The following BAZ2B variants were observed in gnomAD, a reference collection of about 807,000 sequenced individuals.
The protein encoded by BAZ2B is bromodomain adjacent to zinc finger domain protein 2B.
In BAZ2B, 91 loss-of-function variants were observed where a neutral mutation model predicts 246.0. The observed-to-expected ratio is 0.37, with a 90% CI of 0.31 to 0.44. The LOEUF is 0.44. Ranked by LOEUF, BAZ2B falls within the 20% of genes least tolerant of loss-of-function variation. The pLI, the probability that BAZ2B is intolerant of heterozygous loss-of-function variation, is 1.00. For synonymous variants in BAZ2B, 855 were observed against 860.0 expected (o/e 0.99, Z 0.10); for missense variants, 2,332 against 2,533.7 (o/e 0.92, Z 1.71).
the BAZ2B span, among the ~76,000 whole-genome samples, chr2:159,624,454 C>T: frequency 2.6e-5 from 4 of 152,166 alleles, no homozygotes; most frequent in African/African-American, 9.7e-5. Flanking sequence ...TCTGGCTGGC[C>T]TCTGGCAGGT....
chr2:159,685,305 C>A, the BAZ2B span, among the ~76,000 whole-genome samples: 1 of 152,092 alleles, frequency 6.6e-6, no homozygotes, highest in Non-Finnish European at 1.5e-5. Flanking sequence ...AAAGAAGTAT[C>A]TATAAATAAG....
chr2:159,357,332 C>T (rs974102453), intron 27 of BAZ2B, among the ~76,000 whole-genome samples: 2 of 151,576 alleles, frequency 1.3e-5, no homozygotes, highest in African/African-American at 4.9e-5. Context: ...AAAGCACACA[C>T]AAGTATCAAC....
intron 6 of BAZ2B, among the ~76,000 whole-genome samples, chr2:159,440,491 A>G (rs1448559616): frequency 6.8e-6 from 1 of 146,854 alleles, no homozygotes; most frequent in Non-Finnish European, 1.5e-5. Context: ...CACTCCCGCC[A>G]TTATATTCCG....
chr2:159,705,849 ATAC>A, the BAZ2B span, among the ~76,000 whole-genome samples: 1 of 152,046 alleles, frequency 6.6e-6, no homozygotes, highest in Admixed American at 6.6e-5. Context: ...ATGGCAAAAA[ATAC>A]TACATGTAAA....
intron 3 of BAZ2B, among the ~76,000 whole-genome samples, chr2:159,466,355 A>G (rs2077046228): frequency 6.6e-6 from 1 of 152,222 alleles, no homozygotes. Flanking sequence ...TTAGTCCTGT[A>G]AATTCATCTC....
At chr2:159,672,646 A>G in the BAZ2B span, among the ~76,000 whole-genome samples, 5 of 151,860 alleles carry the variant, frequency 3.3e-5, no homozygotes, top group East Asian at 7.7e-4. Flanking sequence ...TGGCTTCCTG[A>G]CTCCTCCCCC....
At chr2:159,634,914 C>G in the BAZ2B span, among the ~76,000 whole-genome samples, 2 of 152,242 alleles carry the variant, frequency 1.3e-5, no homozygotes, top group South Asian at 4.1e-4. Flanking sequence ...AAGAGACAAT[C>G]CAAAGAGAGG....
In BAZ2B at chr2:159,424,599, A is replaced by T. The variant is rs191881543; in HGVS notation, c.2466+3342T>A. ...GGGTTTTGGGATATGTTTTAAGATT[A>T]AAAAATGATGAAAAAAATATACTTC... is the stretch of plus-strand genomic sequence containing the variant. On this transcript the variant is annotated intron_variant, in intron 13 of 36. Transcript: ENST00000392783. 2.0e-5 allele frequency among the ~76,000 whole-genome samples: 3 copies of T among 152,306 alleles called. No homozygotes were observed. In the East Asian group the frequency reaches 5.8e-4, roughly 29 times the overall value.
chr2:159,545,770 C>T (rs2087246028), intron 2 of BAZ2B, among the ~76,000 whole-genome samples: 1 of 152,112 alleles, frequency 6.6e-6, no homozygotes, highest in South Asian at 2.1e-4. Flanking sequence ...ACATAATCAT[C>T]ACGTAAGGAT....
chr2:159,329,038 G>T lies in BAZ2B; in HGVS notation c.5944-3120C>A, dbSNP rs532181751. On this transcript the variant is annotated intron_variant, in intron 34 of 36. Transcript: ENST00000392783. The stretch of plus-strand genomic sequence containing the variant: ...AGCTATTCAGGAGGCTGAGGCAGGA[G>T]AATCGCTTGAACACGGGAGGTGGAG... Among the ~76,000 whole-genome samples the T allele has an allele frequency of 1.3e-3, 204 of 151,606 alleles. 1 individual carries two copies. The highest frequency in any genetic ancestry group is 3.4e-3 in the Middle Eastern group (1 of 294).
At chr2:159,663,212 T>A in the BAZ2B span, among the ~76,000 whole-genome samples, 1 of 149,690 alleles carries the variant, frequency 6.7e-6, no homozygotes, top group African/African-American at 2.4e-5. Flanking sequence ...TTTTTTTTCT[T>A]TTTTTTTTTG....
upstream of BAZ2B, among the ~76,000 whole-genome samples, chr2:159,620,578 C>T (rs979062579): frequency 1.3e-5 from 2 of 152,152 alleles, no homozygotes; most frequent in African/African-American, 4.8e-5. Context: ...GTTATTTGAA[C>T]TGCATCTCAA....
At chr2:159,489,981 CA>C (rs2080262461) in intron 2 of BAZ2B, among the ~76,000 whole-genome samples, 1 of 152,140 alleles carries the variant, frequency 6.6e-6, no homozygotes, top group African/African-American at 2.4e-5. Context: ...CAGCTTCCAT[CA>C]ATTTATTCCT....
chr2:159,580,036 C>T lies in BAZ2B; in HGVS notation c.-45-24171G>A, dbSNP rs1165670012. On this transcript the variant is annotated intron_variant, in intron 1 of 36. Transcript: ENST00000392783. ...GGCAGGGATGCCCTCTCTCACCACT[C>T]CTATTCAACATAGTGTTGGAAGTTC... Among the ~76,000 whole-genome samples the T allele has an allele frequency of 4.6e-5, 7 of 152,172 alleles. No individual in the cohort carries two copies. The East Asian group carries it at 1.3e-3, about 29-fold the overall frequency.
the BAZ2B span, among the ~76,000 whole-genome samples, chr2:159,680,803 T>C: frequency 6.6e-6 from 1 of 152,182 alleles, no homozygotes; most frequent in Non-Finnish European, 1.5e-5. Context: ...GGCTACAAAA[T>C]GTGCTACCAA....
intron 2 of BAZ2B, among the ~76,000 whole-genome samples, chr2:159,518,427 C>T (rs887414150): frequency 1.3e-5 from 2 of 152,156 alleles, no homozygotes; most frequent in African/African-American, 4.8e-5. Context: ...CCTGGTAGTG[C>T]TATACAGACA....
At position 159,431,053 on chromosome 2, in the gene BAZ2B, A is replaced by C. The variant is rs1252067165; in HGVS notation, c.2004T>G (p.Thr668=). ...ESDSDTEGEK[T]SMKLNKTTSS... is the part of the protein sequence containing the mutation. ...AAGTTGTTTTATTCAGTTTCATTGA[A>C]GTTTTCTCTCCTTCAGTATCACTAT... The change falls in exon 10 of 37, where the codon ACT becomes ACG. Residue 668 remains threonine, a synonymous_variant. Transcript: ENST00000392783. The C allele has an allele frequency of 6.2e-7, 1 of 1,614,024 alleles. No individual in the cohort carries two copies. The highest frequency in any genetic ancestry group is 1.1e-5 in the South Asian group (1 of 91,084).
At chr2:159,599,961 AAAAG>A (rs902536533) in intron 1 of BAZ2B, among the ~76,000 whole-genome samples, 11 of 151,734 alleles carry the variant, frequency 7.2e-5, no homozygotes, top group African/African-American at 1.4e-4. Context: ...AAAGAAAAGA[AAAAG>A]AAAGAAAGAA....
In BAZ2B at chr2:159,404,923, A is replaced by C. The variant is rs1019021468; in HGVS notation, c.2771-13T>G. ...GCAGCCATTATTGCTACAAGAAACC[A>C]AAGGATAGATATCATCAAAAAGGGA... On this transcript the variant is annotated splice_polypyrimidine_tract_variant and intron_variant, in intron 15 of 36. Transcript: ENST00000392783. The C allele has an allele frequency of 6.2e-7, 1 of 1,613,590 alleles. No individual in the cohort carries two copies. Among genetic ancestry groups the C allele is most frequent in the South Asian group, 1.1e-5 (1 of 91,032 alleles).
Sources: allele counts gnomAD v4.1 joint callset (sites outside exome capture counted in the v4.1 genomes callset), GRCh38; gene constraint gnomAD v4.1.1; transcripts MANE v1.5; gene names NCBI Gene and HGNC (gene_info 2026-07-23, HGNC 2026-07-21).